The following SSBP2 variants were observed in gnomAD, a reference collection of about 807,000 sequenced individuals.
SSBP2 encodes the protein single stranded DNA binding protein 2.
In SSBP2, 17 loss-of-function variants were observed where a neutral mutation model predicts 61.8. The observed-to-expected ratio is 0.28, with a 90% confidence interval of 0.19 to 0.41. The LOEUF (loss-of-function observed/expected upper bound fraction) is 0.41. Among genes scored for constraint, SSBP2 ranks in the 10% least tolerant of loss-of-function variants. The pLI, the probability that SSBP2 is intolerant of heterozygous loss-of-function variation, is 1.00. For synonymous variants in SSBP2, 139 were observed against 141.3 expected (o/e 0.98, Z 0.12); for missense variants, 310 against 458.7 (o/e 0.68, Z 2.96).
At chr5:81,433,765 A>G (rs1580669877) in intron 15 of SSBP2, among the ~76,000 whole-genome samples, 1 of 152,324 alleles carries the variant, frequency 6.6e-6, no homozygotes, top group African/African-American at 2.4e-5. Flanking sequence ...TCAAATATAA[A>G]TTCTGCATTC....
At chr5:81,432,998 C>T (rs1169646390) in intron 15 of SSBP2, among the ~76,000 whole-genome samples, 6 of 148,792 alleles carry the variant, frequency 4.0e-5, no homozygotes, top group Non-Finnish European at 7.5e-5. Flanking sequence ...GGGTCAGACT[C>T]CCGCCCGGCC....
rs1032021185 is a variant in SSBP2, at chr5:81,414,299, C to T, written c.*6205G>A. ...TGTATTTAATTTTTAAAGATGAAGA[C>T]AGCAAAAATATTCACATTAAAATAT... On this transcript the variant is annotated 3_prime_UTR_variant, in exon 17 of 17. Coordinates refer to ENST00000320672, the MANE Select transcript of SSBP2 (RefSeq NM_012446.5). 6.6e-6 allele frequency: 1 copy of T among 151,998 alleles called. No homozygotes were observed. Among genetic ancestry groups the T allele is most frequent in the Non-Finnish European group, 1.5e-5 (1 of 67,960 alleles). The allele number at this position is 151,998 out of a possible 1,614,324, so 9.4% of individuals were successfully genotyped here. A position where few individuals can be genotyped will look rare whatever the true frequency, so the allele number is the denominator to read the frequency against.
chr5:81,635,207 ACTT>A, intron 3 of SSBP2, among the ~76,000 whole-genome samples: 1 of 152,200 alleles, frequency 6.6e-6, no homozygotes. Context: ...TATGAACATA[ACTT>A]CTTCGAGGCA....
intron 4 of SSBP2, among the ~76,000 whole-genome samples, chr5:81,584,996 C>A (rs1466133052): frequency 6.6e-6 from 1 of 151,964 alleles, no homozygotes; most frequent in African/African-American, 2.4e-5. Context: ...AAGAGAAATA[C>A]ATAATAGTCA....
At chr5:81,634,551 CAG>C (rs1412651228) in intron 3 of SSBP2, among the ~76,000 whole-genome samples, 1 of 152,190 alleles carries the variant, frequency 6.6e-6, no homozygotes, top group Non-Finnish European at 1.5e-5. Context: ...AAATTTTTTA[CAG>C]AGTTTTACTC....
intron 1 of SSBP2, among the ~76,000 whole-genome samples, chr5:81,715,485 G>T (rs928975416): frequency 6.6e-6 from 1 of 152,090 alleles, no homozygotes; most frequent in Non-Finnish European, 1.5e-5. Context: ...GAAATTAATA[G>T]AATAGTTAAG....
At chr5:81,429,872 C>T (rs1012564752) in intron 15 of SSBP2, among the ~76,000 whole-genome samples, 1 of 152,044 alleles carries the variant, frequency 6.6e-6, no homozygotes, top group African/African-American at 2.4e-5. Context: ...CTGTGCACCC[C>T]GCAGGGAGGA....
chr5:81,669,994 G>T (rs747542795), intron 1 of SSBP2, among the ~76,000 whole-genome samples: 2 of 152,064 alleles, frequency 1.3e-5, no homozygotes, highest in Non-Finnish European at 2.9e-5. Context: ...AGGATAAGTG[G>T]TTACCAGGAG....
At position 81,701,183 on chromosome 5, in the gene SSBP2, C is replaced by G. The variant is rs184896997; in HGVS notation, c.62+49798G>C. Among the ~76,000 whole-genome samples the G allele has an allele frequency of 1.4e-3, 217 of 152,108 alleles. 2 individuals are homozygous for G. The highest frequency in any genetic ancestry group is 2.1e-3 in the Non-Finnish European group (142 of 67,996). On this transcript the variant is annotated intron_variant, in intron 1 of 16. Coordinates refer to ENST00000320672, the MANE Select transcript of SSBP2 (RefSeq NM_012446.5). Reference sequence around the variant, plus strand: ...GAGGCCATTGTAGGTTATTAATTGGCCTAATTGTAATACTTTCATGTCTCA... The same window carrying G: ...GAGGCCATTGTAGGTTATTAATTGGGCTAATTGTAATACTTTCATGTCTCA...
intron 11 of SSBP2, 59 bp downstream of exon 11, chr5:81,448,731 A>G (rs1561412270): frequency 1.3e-6 from 2 of 1,531,844 alleles, no homozygotes; most frequent in East Asian, 4.5e-5. Context: ...CAACTGTTTC[A>G]TTGCCCAAAT....
chr5:81,614,328 C>A (rs1253012590), intron 4 of SSBP2, among the ~76,000 whole-genome samples: 2 of 131,550 alleles, frequency 1.5e-5, no homozygotes, highest in Non-Finnish European at 3.1e-5. Flanking sequence ...CCACCGCACT[C>A]CAACCTGGGA....
chr5:81,668,035 G>A (rs148632247), intron 1 of SSBP2, among the ~76,000 whole-genome samples: 3 of 152,116 alleles, frequency 2.0e-5, no homozygotes, highest in East Asian at 3.9e-4. Context: ...CCCCACCTGA[G>A]AGAATAATGC....
rs187894188 is a variant in SSBP2 at position 81,467,176 on chromosome 5, C to T, written c.571-135G>A. On this transcript the variant is annotated intron_variant, in intron 8 of 16. Coordinates refer to ENST00000320672, the MANE Select transcript of SSBP2 (RefSeq NM_012446.5). ...GGATAAGGCCTGTGTAATTCATTCT[C>T]TGAGGGGTCCATTCTTGTATTTTTG... 417 of 565,794 alleles carry T rather than the reference C, an allele frequency of 7.4e-4. 3 individuals are homozygous for T. The highest frequency in any genetic ancestry group is 7.3e-3 in the African/African-American group (392 of 53,426). The allele number at this position is 565,794 out of a possible 1,614,324, so 35.0% of individuals were successfully genotyped here. A position where few individuals can be genotyped will look rare whatever the true frequency, so the allele number is the denominator to read the frequency against.
intron 4 of SSBP2, among the ~76,000 whole-genome samples, chr5:81,557,975 C>T (rs1302545896): frequency 2.6e-5 from 4 of 152,112 alleles, no homozygotes; most frequent in East Asian, 3.9e-4. Context: ...GGGACACAGC[C>T]AAATTACTTA....
intron 3 of SSBP2, among the ~76,000 whole-genome samples, chr5:81,627,041 T>C (rs1442319679): frequency 6.6e-6 from 1 of 152,172 alleles, no homozygotes; most frequent in Non-Finnish European, 1.5e-5. Context: ...GCAAAAGTAA[T>C]TTTAAAAGAA....
In SSBP2 at chr5:81,438,496, T is replaced by C. The variant is rs188836776; in HGVS notation, c.929-1038A>G. On this transcript the variant is annotated intron_variant, in intron 14 of 16. Transcript: ENST00000320672. ...AAAATAATATAACATTTTAGTAGCA[T>C]AGCATTCAGTCAACATTACAAATAA... Among the ~76,000 whole-genome samples the C allele has an allele frequency of 7.4e-4, 113 of 152,306 alleles. 1 individual carries two copies. The highest frequency in any genetic ancestry group is 2.6e-3 in the African/African-American group (107 of 41,568).
At chr5:81,592,336 G>A (rs928058092) in intron 4 of SSBP2, among the ~76,000 whole-genome samples, 8 of 152,248 alleles carry the variant, frequency 5.3e-5, no homozygotes, top group African/African-American at 9.6e-5. Flanking sequence ...TAAACAAAGC[G>A]GCTGGTAAGC....
At chr5:81,711,304 T>C (rs1224074684) in intron 1 of SSBP2, among the ~76,000 whole-genome samples, 1 of 152,150 alleles carries the variant, frequency 6.6e-6, no homozygotes, top group East Asian at 1.9e-4. Context: ...CTCAATAAGT[T>C]ATCAATGAAA....
intron 8 of SSBP2, among the ~76,000 whole-genome samples, chr5:81,468,025 C>T (rs929312885): frequency 6.6e-6 from 1 of 152,002 alleles, no homozygotes; most frequent in South Asian, 2.1e-4. Context: ...ATAACTCATA[C>T]GTTGAACTTC....
Sources: gnomAD v4.1 joint callset for allele counts (sites outside exome capture counted in the v4.1 genomes callset) on GRCh38, gnomAD v4.1.1 for gene constraint, MANE v1.5 for transcripts, NCBI Gene and HGNC (gene_info 2026-07-23, HGNC 2026-07-21) for gene names.